Variants in POLE2 observed in about 807,000 individuals in gnomAD.
POLE2 encodes the protein DNA polymerase epsilon 2, accessory subunit.
In POLE2, 56 loss-of-function variants were observed where a neutral mutation model predicts 79.4. That is an observed-to-expected ratio of 0.71 (90% CI 0.57 to 0.88). The LOEUF is 0.88. POLE2 is among the 40% of genes least tolerant of loss of function. The pLI, the probability that POLE2 is intolerant of heterozygous loss-of-function variation, is 0.00. For missense variants in POLE2, 598 were observed against 638.9 expected (o/e 0.94, Z 0.69); for synonymous variants, 212 against 214.0 (o/e 0.99, Z 0.08).
intron 5 of POLE2, among the ~76,000 whole-genome samples, chr14:49,670,452 G>A (rs1248123827): frequency 1.3e-5 from 2 of 151,814 alleles, no homozygotes; most frequent in South Asian, 2.1e-4. Flanking sequence ...GACAAGGCCA[G>A]AGATTAATAA....
At chr14:49,675,905 C>A (rs1308816861) in intron 3 of POLE2, among the ~76,000 whole-genome samples, 1 of 152,164 alleles carries the variant, frequency 6.6e-6, no homozygotes, top group East Asian at 1.9e-4. Context: ...AGGCACCCTC[C>A]ACCACGCCCA....
chr14:49,647,269 T>C, intron 18 of POLE2, 24 bp downstream of exon 18: 2 of 1,231,354 alleles, frequency 1.6e-6, no homozygotes, highest in Non-Finnish European at 1.2e-6. Context: ...AGATCTTTCT[T>C]GCTGTGTCTG....
At chr14:49,663,029 C>CTT (rs772918995) in intron 10 of POLE2, among the ~76,000 whole-genome samples, 26 of 152,260 alleles carry the variant, frequency 1.7e-4, no homozygotes, top group Non-Finnish European at 2.9e-4. Context: ...TCCTAGTTGT[C>CTT]TTATCTCACT....
Position 49,674,357 on chromosome 14 carries a change from A to AT in POLE2, c.315dup (p.Phe106IlefsTer21). Reference sequence around the variant, plus strand: ...AGTGGATGACATACTTACGGAAGAAATTTTTTTCTTTCTGAATTGTACACA... The same window carrying AT: ...AGTGGATGACATACTTACGGAAGAAATTTTTTTTCTTTCTGAATTGTACACA... On this transcript the variant is annotated frameshift_variant, in exon 4 of 19. Transcript: ENST00000216367. LOFTEE classifies it high-confidence loss of function. The AT allele has an allele frequency of 1.2e-6, 2 of 1,600,296 alleles. No individual in the cohort carries two copies.
chr14:49,672,470 C>G (rs1010974385), intron 5 of POLE2, among the ~76,000 whole-genome samples: 2 of 151,212 alleles, frequency 1.3e-5, no homozygotes, highest in African/African-American at 4.9e-5. Flanking sequence ...ACACCATCCT[C>G]ACCTGGCCCC....
In POLE2 at chr14:49,655,081, T is replaced by C. The variant is rs978449535; in HGVS notation, c.942A>G (p.Ala314=). Reference sequence around the variant, plus strand: ...CACACAGAATAAAGCAGGTTGGAGGTGCTGGTGAATAACCTAAACAATAAA... The same window carrying C: ...CACACAGAATAAAGCAGGTTGGAGGCGCTGGTGAATAACCTAAACAATAAA... The part of the protein sequence containing the change: ...LRIMFAGYSP[A]PPTCFILCGN... Residue 314 remains alanine, a synonymous_variant, in exon 12 of 19, where the codon GCA becomes GCG. Transcript: ENST00000216367. The C allele has an allele frequency of 6.5e-7, 1 of 1,533,372 alleles. No individual in the cohort carries two copies. Among genetic ancestry groups the C allele is most frequent in the Non-Finnish European group, 8.8e-7 (1 of 1,133,074 alleles). 95.0% of individuals were successfully genotyped at this position (1,533,372 alleles called of 1,614,324 possible). A position where few individuals can be genotyped will look rare whatever the true frequency, so the allele number is the denominator to read the frequency against.
intron 2 of POLE2, 141 bp downstream of exon 2, chr14:49,683,452 G>A (rs1314388026): frequency 8.4e-6 from 4 of 477,512 alleles, no homozygotes; most frequent in Non-Finnish European, 1.5e-5. Context: ...TACCCCTTGG[G>A]AAGAAATGCT....
chr14:49,670,020 A>G (rs1885760976), intron 5 of POLE2, among the ~76,000 whole-genome samples: 1 of 152,110 alleles, frequency 6.6e-6, no homozygotes, highest in Admixed American at 6.6e-5. Context: ...GGAGTCTGAG[A>G]TAAGACATTT....
intron 10 of POLE2, among the ~76,000 whole-genome samples, chr14:49,657,645 G>A (rs982524859): frequency 2.0e-5 from 3 of 152,044 alleles, no homozygotes; most frequent in Admixed American, 6.6e-5. Context: ...TCACCATGTT[G>A]GCTAGGCTGG....
intron 2 of POLE2, among the ~76,000 whole-genome samples, chr14:49,682,707 ACT>A (rs1432677017): frequency 1.1e-4 from 16 of 150,368 alleles, no homozygotes; most frequent in Non-Finnish European, 2.4e-4. Context: ...ATGCCTTCCA[ACT>A]CTGTTTAGTG....
At chr14:49,676,438 G>A (rs1886279522) in intron 3 of POLE2, among the ~76,000 whole-genome samples, 1 of 152,204 alleles carries the variant, frequency 6.6e-6, no homozygotes, top group African/African-American at 2.4e-5. Context: ...AGATCAGTCT[G>A]AGTAAGTTAT....
chr14:49,672,728 ACCTCAGGTGATCCACCCACCTCGG>A (rs1157740159), intron 5 of POLE2, among the ~76,000 whole-genome samples: 2 of 151,972 alleles, frequency 1.3e-5, no homozygotes, highest in Admixed American at 1.3e-4. Flanking sequence ...CGAAATCCCG[ACCTCAGGTGATCCACCCACCTCGG>A]CCTCCCAAAG....
intron 11 of POLE2, 71 bp downstream of exon 11, chr14:49,655,595 AAATAG>A: frequency 2.1e-6 from 2 of 954,870 alleles, no homozygotes; most frequent in Non-Finnish European, 3.2e-6. Context: ...TCAAAAAGAT[AAATAG>A]AATACTCAAA....
At chr14:49,647,033 A>G (rs1043230021) in intron 18 of POLE2, 2 of 296,296 alleles carry the variant, frequency 6.8e-6, no homozygotes, top group Admixed American at 1.1e-4. Context: ...GTTGGCCTGT[A>G]AGAGAACTAG....
Position 49,688,135 on chromosome 14 carries a change from C to G in POLE2, c.68+1G>C. On this transcript the variant is annotated splice_donor_variant, in intron 1 of 18. Transcript: ENST00000216367. LOFTEE classifies it high-confidence loss of function. ...CCTTCAAGCTGCCCGAGCCCACTCA[C>G]CCACGGAGCAGCAAGCCCCGCAACT... 1 of 1,554,392 alleles carries G rather than the reference C, an allele frequency of 6.4e-7. No homozygotes were observed. The highest frequency in any genetic ancestry group is 8.7e-7 in the Non-Finnish European group (1 of 1,150,368).
In POLE2 at chr14:49,674,350, G is replaced by A. The variant is rs150528954; in HGVS notation, c.323C>T (p.Pro108Leu). The A allele has an allele frequency of 2.5e-5, 40 of 1,591,414 alleles. No homozygotes were observed. In the Admixed American group the frequency reaches 2.5e-4, roughly 10 times the overall value. Residue 108 changes from proline to leucine, a missense_variant and splice_region_variant, in exon 4 of 19, where the codon CCT becomes CTT. Coordinates refer to ENST00000216367, the MANE Select transcript of POLE2 (RefSeq NM_002692.4). ...VYNSERKKFL[P>L]LLMTNHPAPN... Reference sequence around the variant, plus strand: ...TAAAATCAGTGGATGACATACTTACGGAAGAAATTTTTTTCTTTCTGAATT... The same window carrying A: ...TAAAATCAGTGGATGACATACTTACAGAAGAAATTTTTTTCTTTCTGAATT...
At chr14:49,655,877 C>T in intron 10 of POLE2, 34 bp from the exon 11 acceptor site, 1 of 1,046,720 alleles carries the variant, frequency 9.6e-7, no homozygotes, top group Non-Finnish European at 1.4e-6. Context: ...CTTCTATATA[C>T]CACTAGAGAT....
chr14:49,685,979 T>C (rs1349678362), intron 1 of POLE2, among the ~76,000 whole-genome samples: 2 of 152,224 alleles, frequency 1.3e-5, no homozygotes, highest in African/African-American at 4.8e-5. Flanking sequence ...GTGAAGTTCT[T>C]CCTTGACTCT....
chr14:49,655,258 T>C (rs1741659707), intron 11 of POLE2, among the ~76,000 whole-genome samples, 164 bp from the exon 12 acceptor site: 1 of 152,132 alleles, frequency 6.6e-6, no homozygotes, highest in Non-Finnish European at 1.5e-5. Context: ...ATTGAGCACT[T>C]ACTATAGGCC....
Sources: gnomAD v4.1 joint callset for allele counts (sites outside exome capture counted in the v4.1 genomes callset) on GRCh38, gnomAD v4.1.1 for gene constraint, MANE v1.5 for transcripts, NCBI Gene and HGNC (gene_info 2026-07-23, HGNC 2026-07-21) for gene names.